Variants in ACAN observed in about 807,000 individuals in gnomAD.
ACAN encodes aggrecan core protein.
In ACAN, 47 loss-of-function variants were observed where a neutral mutation model predicts 169.1. That is an observed-to-expected ratio of 0.28 (90% CI 0.22 to 0.35). The LOEUF (loss-of-function observed/expected upper bound fraction) is 0.35, where lower values mean the gene tolerates loss of function less well. Among genes scored for constraint, ACAN ranks in the 10% least tolerant of loss-of-function variants. ACAN has a pLI of 1.00. For missense variants in ACAN, 2,716 were observed against 2,759.9 expected (o/e 0.98, Z 0.36); for synonymous variants, 1,115 against 1,112.2 (o/e 1.00, Z -0.05).
In ACAN at chr15:88,868,640, T is replaced by C. The variant is rs1253513895; in HGVS notation, c.7060+311T>C. Among the ~76,000 whole-genome samples the C allele has an allele frequency of 6.6e-6, 1 of 152,208 alleles. No homozygotes were observed. Among genetic ancestry groups the C allele is most frequent in the Non-Finnish European group, 1.5e-5 (1 of 68,036 alleles). On this transcript the variant is annotated intron_variant, in intron 14 of 18. Coordinates refer to ENST00000560601, the MANE Select transcript of ACAN (RefSeq NM_001369268.1). This position sits in a 1 kb window ranked among gnomAD's most constrained non-coding sequence, Gnocchi z 5.2. ...AGAGGACAGGGCTGATTCTGAGCAC[T>C]TGTCTTGAAGGAAGCTATGGGGTGG... is the stretch of plus-strand genomic sequence containing the variant.
rs921665870 is a variant in ACAN at position 88,868,789 on chromosome 15, C to G, written c.7060+460C>G. ...GTGCCACATTGGCCAAGCTGCCTTT[C>G]TCTTCTCCTGGGGCAAGAGCTGTGG... is the stretch of plus-strand genomic sequence containing the variant. On this transcript the variant is annotated intron_variant, in intron 14 of 18. Transcript: ENST00000560601. The surrounding 1 kb of genome is among the most constrained non-coding windows in gnomAD (Gnocchi z 5.2). Among the ~76,000 whole-genome samples the G allele has an allele frequency of 6.6e-6, 1 of 152,218 alleles. No homozygotes were observed. The highest frequency in any genetic ancestry group is 2.4e-5 in the African/African-American group (1 of 41,456).
At position 88,872,873 on chromosome 15, in the gene ACAN, A is replaced by G. The variant is rs372076973; in HGVS notation, c.7303-8A>G. 40 of 1,612,906 alleles carry G rather than the reference A, an allele frequency of 2.5e-5. 1 individual carries two copies. The African/African-American group carries it at 3.7e-4, about 15-fold the overall frequency. Reference sequence around the variant, plus strand: ...CTCTCCTTACTCCTTCCCCACTCCCACCCACAGCAATTTGAGAACTGGCGC... The same window carrying G: ...CTCTCCTTACTCCTTCCCCACTCCCGCCCACAGCAATTTGAGAACTGGCGC... On this transcript the variant is annotated splice_polypyrimidine_tract_variant and splice_region_variant and intron_variant, in intron 16 of 18. Transcript: ENST00000560601. The surrounding 1 kb of genome is among the most constrained non-coding windows in gnomAD (Gnocchi z 5.4).
intron 1 of ACAN, among the ~76,000 whole-genome samples, chr15:88,813,311 C>G (rs915943907): frequency 2.0e-5 from 3 of 152,226 alleles, no homozygotes; most frequent in Admixed American, 6.5e-5. Context: ...TAGAACATCT[C>G]CAGTTTTCTG....
At chr15:88,813,613 A>G (rs1895872980) in intron 1 of ACAN, among the ~76,000 whole-genome samples, 1 of 152,180 alleles carries the variant, frequency 6.6e-6, no homozygotes, top group South Asian at 2.1e-4. Context: ...TTTAGGTGCT[A>G]CCACCTTTGG....
intron 13 of ACAN, among the ~76,000 whole-genome samples, chr15:88,865,526 G>T (rs1038908005): frequency 6.6e-6 from 1 of 152,154 alleles, no homozygotes; most frequent in Admixed American, 6.5e-5. Context: ...CTTGCCACCT[G>T]GCCATTGGAA....
intron 5 of ACAN, among the ~76,000 whole-genome samples, chr15:88,842,463 T>C (rs1896685288): frequency 1.3e-5 from 2 of 152,092 alleles, no homozygotes; most frequent in South Asian, 2.1e-4. Context: ...CATATATTCC[T>C]TTGTACTTTC....
Position 88,874,089 on chromosome 15 carries a change from C to A in ACAN, c.7630+65C>A, listed in dbSNP as rs2280466. On this transcript the variant is annotated intron_variant, in intron 18 of 18. Coordinates refer to ENST00000560601, the MANE Select transcript of ACAN (RefSeq NM_001369268.1). The surrounding 1 kb of genome is among the most constrained non-coding windows in gnomAD (Gnocchi z 7.3). ...GATTCTGCCAGCACAGCCTTCCCCC[C>A]GTCCCCTCTCCTGGGGACCCTACAC... 5.7e-4 allele frequency: 899 copies of A among 1,580,788 alleles called. 17 individuals carry two copies. In the East Asian group the frequency reaches 0.02, roughly 34 times the overall value.
chr15:88,813,090 G>C (rs1157019514), intron 1 of ACAN, among the ~76,000 whole-genome samples: 1 of 152,204 alleles, frequency 6.6e-6, no homozygotes, highest in Non-Finnish European at 1.5e-5. Flanking sequence ...AGCAAAAGCT[G>C]CATGGGACAT....
At chr15:88,835,695 C>A (rs1345450898) in intron 1 of ACAN, among the ~76,000 whole-genome samples, 4 of 152,236 alleles carry the variant, frequency 2.6e-5, no homozygotes. Context: ...GGCCATCCAG[C>A]ACAAAGAATT....
In ACAN at chr15:88,849,772, G is replaced by GGA. The variant is rs745306411; in HGVS notation, c.2026+45_2026+46dup. 11 of 1,602,730 alleles carry GGA rather than the reference G, an allele frequency of 6.9e-6. No individual in the cohort carries two copies. The highest frequency in any genetic ancestry group is 3.4e-5 in the Admixed American group (2 of 58,380). On this transcript the variant is annotated intron_variant, in intron 10 of 18. Transcript: ENST00000560601. The surrounding 1 kb of genome is among the most constrained non-coding windows in gnomAD (Gnocchi z 5.1). ...TCGGCTCCAACAGCCCCTTTTGTCT[G>GGA]GAGAGGACCCCACTGGGTTCACCGG...
At chr15:88,854,818 C>A in intron 11 of ACAN, 34 bp from the exon 12 acceptor site, 1 of 1,417,796 alleles carries the variant, frequency 7.1e-7, no homozygotes, top group Non-Finnish European at 9.2e-7. Context: ...AGTTAATAAA[C>A]CCACACTTCA....
chr15:88,849,556 C>T lies in ACAN; in HGVS notation c.1851C>T (p.Arg617=), dbSNP rs1384370457. The T allele has an allele frequency of 8.1e-6, 13 of 1,606,002 alleles. No homozygotes were observed. Among genetic ancestry groups the T allele is most frequent in the Middle Eastern group, 1.6e-4 (1 of 6,078 alleles). Reference sequence around the variant, plus strand: ...GCCAGCTCTACGCCGCCTGGAGCCGCGGCCTGGACAAGTGCTATGCCGGCT... The same window carrying T: ...GCCAGCTCTACGCCGCCTGGAGCCGTGGCCTGGACAAGTGCTATGCCGGCT... ...TTGQLYAAWS[R]GLDKCYAGWL... Residue 617 remains arginine (R), a synonymous_variant, in exon 10 of 19, where the codon CGC becomes CGT. Transcript: ENST00000560601. The surrounding 1 kb of genome is among the most constrained non-coding windows in gnomAD (Gnocchi z 5.1).
chr15:88,844,358 G>T (rs1192788918), intron 6 of ACAN, among the ~76,000 whole-genome samples: 1 of 139,456 alleles, frequency 7.2e-6, no homozygotes, highest in East Asian at 2.2e-4. Flanking sequence ...TGGGCAAAAT[G>T]TCATTTTACT....
chr15:88,853,749 GATAGATACATAC>G (rs1229250425), intron 11 of ACAN, among the ~76,000 whole-genome samples: 17 of 124,666 alleles, frequency 1.4e-4, no homozygotes, highest in Admixed American at 3.9e-4. Flanking sequence ...TAGATAGATA[GATAGATACATAC>G]ATACATACAT....
At chr15:88,809,173 C>T (rs938313463) in intron 1 of ACAN, among the ~76,000 whole-genome samples, 1 of 152,140 alleles carries the variant, frequency 6.6e-6, no homozygotes, top group Non-Finnish European at 1.5e-5. Flanking sequence ...TTACAGCATC[C>T]ACACGTGTGA....
intron 1 of ACAN, among the ~76,000 whole-genome samples, chr15:88,827,373 C>A (rs1275717163): frequency 1.3e-5 from 2 of 152,196 alleles, no homozygotes; most frequent in Non-Finnish European, 2.9e-5. Context: ...GCTGTCACTG[C>A]AGAACAAATG....
At position 88,873,349 on chromosome 15, in the gene ACAN, C is replaced by G. The variant is rs111653890; in HGVS notation, c.7447+324C>G. Among the ~76,000 whole-genome samples the G allele has an allele frequency of 6.6e-6, 1 of 152,208 alleles. No homozygotes were observed. Among genetic ancestry groups the G allele is most frequent in the African/African-American group, 2.4e-5 (1 of 41,454 alleles). On this transcript the variant is annotated intron_variant, in intron 17 of 18. Coordinates refer to ENST00000560601, the MANE Select transcript of ACAN (RefSeq NM_001369268.1). This position sits in a 1 kb window ranked among gnomAD's most constrained non-coding sequence, Gnocchi z 7.5. ...AGCAGCAGAGTTACCCACAAGGGCC[C>G]CCAGATGGGGAGCCTCCCTGTCTTT...
intron 1 of ACAN, among the ~76,000 whole-genome samples, chr15:88,817,601 C>G (rs1895972609): frequency 6.6e-6 from 1 of 151,348 alleles, no homozygotes; most frequent in Non-Finnish European, 1.5e-5. Flanking sequence ...TGCCTGTAAT[C>G]CCAGGACTCT....
chr15:88,857,799 G>T lies in ACAN; in HGVS notation c.5214G>T (p.Gln1738His), dbSNP rs1294649751. The T allele has an allele frequency of 1.2e-6, 2 of 1,613,978 alleles. No individual in the cohort carries two copies. The highest frequency in any genetic ancestry group is 2.2e-5 in the East Asian group (1 of 44,884). ...EIPGLFGVSG[Q>H]PSGFPDTSGE... Reference sequence around the variant, plus strand: ...CTGGACTCTTTGGTGTCAGTGGACAGCCATCAGGGTTTCCTGACACTAGTG... The same window carrying T: ...CTGGACTCTTTGGTGTCAGTGGACATCCATCAGGGTTTCCTGACACTAGTG... Residue 1738 changes from glutamine (Q) to histidine (H), a missense_variant, in exon 12 of 19, where the codon CAG becomes CAT. Gln to His is a conservative substitution (Grantham distance 24). Transcript: ENST00000560601.
Sources: allele counts gnomAD v4.1 joint callset (sites outside exome capture counted in the v4.1 genomes callset), GRCh38; gene constraint gnomAD v4.1.1; non-coding constraint Gnocchi (gnomAD v3.1); transcripts MANE v1.5; gene names NCBI Gene and HGNC (gene_info 2026-07-23, HGNC 2026-07-21).